TMCO1: variants seen among roughly 807,000 people sequenced by gnomAD.
TMCO1 encodes the protein calcium load-activated calcium channel.
In TMCO1, 29 loss-of-function variants were observed where a neutral mutation model predicts 29.3. That is an observed-to-expected ratio of 0.99 (90% CI 0.74 to 1.35). The LOEUF is 1.35. TMCO1 is among the 40% of genes most tolerant of loss of function. TMCO1 has a pLI of 0.00. For synonymous variants in TMCO1, 80 were observed against 77.1 expected (o/e 1.04, Z -0.20); for missense variants, 173 against 225.5 (o/e 0.77, Z 1.49).
At chr1:165,734,575 C>A (rs1651295263) in intron 6 of TMCO1, among the ~76,000 whole-genome samples, 1 of 152,080 alleles carries the variant, frequency 6.6e-6, no homozygotes, top group Non-Finnish European at 1.5e-5. Context: ...GTGATCTCAG[C>A]TCACTGCAAC....
At position 165,727,972 on chromosome 1, in the gene TMCO1, CT is replaced by C; in HGVS notation, c.*50del. On this transcript the variant is annotated 3_prime_UTR_variant, in exon 7 of 7. Coordinates refer to ENST00000367881, the MANE Select transcript of TMCO1 (RefSeq NM_019026.6). ...CTCTTGCTACAAAACAGTTGCCAGT[CT>C]GATGTGTGTGTGTCTAGAAAGAATG... 7.1e-7 allele frequency: 1 copy of C among 1,406,336 alleles called. No individual in the cohort carries two copies. 87.1% of individuals were successfully genotyped at this position (1,406,336 alleles called of 1,614,324 possible). A position where few individuals can be genotyped will look rare whatever the true frequency, so the allele number is the denominator to read the frequency against.
chr1:165,762,281 A>C (rs1652429514), intron 2 of TMCO1, among the ~76,000 whole-genome samples: 1 of 151,284 alleles, frequency 6.6e-6, no homozygotes, highest in Non-Finnish European at 1.5e-5. Context: ...TTATAAGGAT[A>C]ACATTTTAAA....
At chr1:165,766,128 G>A (rs964198762) in intron 2 of TMCO1, among the ~76,000 whole-genome samples, 3 of 152,308 alleles carry the variant, frequency 2.0e-5, no homozygotes, top group Non-Finnish European at 4.4e-5. Context: ...TGGGTTGTAA[G>A]AAGAGTAAAA....
chr1:165,768,150 C>T (rs1417177164), intron 2 of TMCO1, 42 bp downstream of exon 2: 3 of 1,484,316 alleles, frequency 2.0e-6, no homozygotes, highest in Non-Finnish European at 2.8e-6. Context: ...ACTTAATGAG[C>T]TTGACGTGTT....
chr1:165,768,056 A>G lies in TMCO1; in HGVS notation c.148+136T>C, dbSNP rs77313837. The G allele has an allele frequency of 2.1e-3, 1,654 of 779,630 alleles. 20 individuals are homozygous for G. The African/African-American group carries it at 0.022, about 11-fold the overall frequency. 48.3% of individuals were successfully genotyped at this position (779,630 alleles called of 1,614,324 possible). Reference sequence around the variant, plus strand: ...TAGTTGGTATTACACATTTTGCATAAAAGTCTTCTATTTCTAAATAGGCTT... The same window carrying G: ...TAGTTGGTATTACACATTTTGCATAGAAGTCTTCTATTTCTAAATAGGCTT... On this transcript the variant is annotated intron_variant, in intron 2 of 6. Coordinates refer to ENST00000367881, the MANE Select transcript of TMCO1 (RefSeq NM_019026.6).
rs1216166740 is a variant in TMCO1 at position 165,726,919 on chromosome 1, A to G, written c.*1104T>C. Reference sequence around the variant, plus strand: ...CTGTCTTCTGGACTTTATGGTGCTGATAAGAAAGAAGTTTGCTGTTGGTTT... The same window carrying G: ...CTGTCTTCTGGACTTTATGGTGCTGGTAAGAAAGAAGTTTGCTGTTGGTTT... On this transcript the variant is annotated 3_prime_UTR_variant, in exon 7 of 7. Coordinates refer to ENST00000367881, the MANE Select transcript of TMCO1 (RefSeq NM_019026.6). The G allele has an allele frequency of 8.8e-6, 4 of 453,960 alleles. No individual in the cohort carries two copies. The highest frequency in any genetic ancestry group is 2.3e-5 in the Admixed American group (1 of 42,554). The allele number at this position is 453,960 out of a possible 1,614,324, so 28.1% of individuals were successfully genotyped here.
intron 6 of TMCO1, among the ~76,000 whole-genome samples, chr1:165,734,008 G>A (rs1433576169): frequency 1.3e-5 from 2 of 152,168 alleles, no homozygotes; most frequent in Admixed American, 1.3e-4. Context: ...TTATTCCTTA[G>A]TCATTTAGCT....
At chr1:165,743,488 C>T (rs1651678046) in intron 5 of TMCO1, among the ~76,000 whole-genome samples, 177 bp from the exon 6 acceptor site, 1 of 152,078 alleles carries the variant, frequency 6.6e-6, no homozygotes, top group South Asian at 2.1e-4. Flanking sequence ...TAAAGAAGAG[C>T]CTAGATTATT....
Position 165,732,387 on chromosome 1 carries a change from GC to G in TMCO1, c.469-4267del, listed in dbSNP as rs1487913632. On this transcript the variant is annotated intron_variant, in intron 6 of 6. Transcript: ENST00000367881. Reference sequence around the variant, plus strand: ...AGGAATAAAAAAATCACATAAAGAAGCAAAAAAAAAAAAAAAAAGGAATAAA... The same window carrying G: ...AGGAATAAAAAAATCACATAAAGAAGAAAAAAAAAAAAAAAAAGGAATAAA... Among the ~76,000 whole-genome samples the G allele has an allele frequency of 4.4e-4, 9 of 20,640 alleles. 1 individual carries two copies. The highest frequency in any genetic ancestry group is 1.6e-3 in the African/African-American group (8 of 4,880). The allele number at this position is 20,640 out of a possible 152,430, so 13.5% of individuals were successfully genotyped here.
intron 5 of TMCO1, among the ~76,000 whole-genome samples, chr1:165,744,782 C>T (rs889443790): frequency 1.2e-4 from 11 of 92,462 alleles, no homozygotes; most frequent in African/African-American, 3.4e-4. Flanking sequence ...AAGAGCAAAA[C>T]TCCATCTCAA....
At chr1:165,746,453 TCACACACACACACACA>T (rs59467463) in intron 5 of TMCO1, among the ~76,000 whole-genome samples, 1 of 132,326 alleles carries the variant, frequency 7.6e-6, no homozygotes, top group Non-Finnish European at 1.6e-5. Context: ...AAGACCTATA[TCACACACACACACACA>T]CACACACACA....
chr1:165,745,474 CAAAAAAAAA>C (rs570579214), intron 5 of TMCO1, among the ~76,000 whole-genome samples: 5 of 101,308 alleles, frequency 4.9e-5, no homozygotes, highest in Middle Eastern at 5.4e-3. Context: ...CTATCTCTAC[CAAAAAAAAA>C]AAAAAAAAAA....
intron 6 of TMCO1, among the ~76,000 whole-genome samples, chr1:165,730,046 G>C (rs139780832): frequency 0.01 from 1,529 of 152,036 alleles, 31 homozygotes; most frequent in African/African-American, 0.034. Flanking sequence ...GGACGGCCGG[G>C]CGCGGTGGCT....
At chr1:165,764,118 A>G (rs1017010130) in intron 2 of TMCO1, among the ~76,000 whole-genome samples, 1 of 152,218 alleles carries the variant, frequency 6.6e-6, no homozygotes, top group African/African-American at 2.4e-5. Context: ...TTTGTTTTGT[A>G]TTTCATAAAA....
intron 5 of TMCO1, among the ~76,000 whole-genome samples, chr1:165,749,850 C>T (rs560382201): frequency 2.0e-5 from 3 of 151,298 alleles, no homozygotes; most frequent in South Asian, 2.1e-4. Flanking sequence ...AAAAAATAAA[C>T]GTCAAAAAAA....
chr1:165,761,754 G>T (rs559089995), intron 2 of TMCO1, among the ~76,000 whole-genome samples: 1 of 151,978 alleles, frequency 6.6e-6, no homozygotes, highest in East Asian at 1.9e-4. Context: ...TTCGAGATCA[G>T]CATGGGCAAC....
chr1:165,756,182 A>G (rs1041655096), intron 3 of TMCO1, among the ~76,000 whole-genome samples: 13 of 152,194 alleles, frequency 8.5e-5, no homozygotes, highest in Non-Finnish European at 1.9e-4. Context: ...TAGGTAATCT[A>G]TGGATCACAT....
downstream of TMCO1, chr1:165,724,948 G>C (rs1181856678): frequency 2.2e-6 from 1 of 451,894 alleles, no homozygotes; most frequent in Admixed American, 2.4e-5. Flanking sequence ...ATTGTCGAAG[G>C]TGGAGGATGG....
chr1:165,742,661 C>T (rs142713082), intron 6 of TMCO1, among the ~76,000 whole-genome samples: 42 of 152,266 alleles, frequency 2.8e-4, no homozygotes, highest in African/African-American at 8.9e-4. Flanking sequence ...AGCTCTCTTC[C>T]GGGCCTTCAT....
Sources: allele counts gnomAD v4.1 joint callset (sites outside exome capture counted in the v4.1 genomes callset), GRCh38; gene constraint gnomAD v4.1.1; transcripts MANE v1.5; gene names NCBI Gene and HGNC (gene_info 2026-07-23, HGNC 2026-07-21).